FRMPD1: variants seen among roughly 807,000 people sequenced by gnomAD.
FRMPD1 encodes the protein FERM and PDZ domain containing 1, also known as FERM and PDZ domain-containing protein 1.
FRMPD1 carries 76 observed loss-of-function variants against 117.8 expected under a neutral mutation model. The observed-to-expected ratio is 0.65, with a 90% CI of 0.54 to 0.78. The LOEUF is 0.78. Among genes scored for constraint, FRMPD1 ranks in the 30% least tolerant of loss-of-function variants. FRMPD1 has a pLI of 0.00. For synonymous variants in FRMPD1, 783 were observed against 770.4 expected (o/e 1.02, Z -0.27); for missense variants, 1,786 against 1,964.5 (o/e 0.91, Z 1.72).
At chr9:37,644,404 C>T in the FRMPD1 span, among the ~76,000 whole-genome samples, 2 of 152,154 alleles carry the variant, frequency 1.3e-5, no homozygotes, top group Non-Finnish European at 2.9e-5. Context: ...GCAGCAACAC[C>T]GCCCTTTGCC....
chr9:37,615,749 C>G, the FRMPD1 span, among the ~76,000 whole-genome samples: 1 of 152,040 alleles, frequency 6.6e-6, no homozygotes, highest in Non-Finnish European at 1.5e-5. Context: ...GATGAAACCT[C>G]AGTGATAATA....
At chr9:37,727,738 C>T (rs531689091) in intron 7 of FRMPD1, among the ~76,000 whole-genome samples, 2 of 100,640 alleles carry the variant, frequency 2.0e-5, no homozygotes, top group African/African-American at 5.7e-5. Context: ...AGAGAGGGCT[C>T]CGAATCAGGA....
intron 6 of FRMPD1, among the ~76,000 whole-genome samples, chr9:37,723,658 G>A (rs1322936215): frequency 6.6e-6 from 1 of 152,128 alleles, no homozygotes; most frequent in Non-Finnish European, 1.5e-5. Context: ...AGGGGTTCGA[G>A]ACCAGCTGGC....
At chr9:37,612,410 G>A in the FRMPD1 span, among the ~76,000 whole-genome samples, 3 of 151,692 alleles carry the variant, frequency 2.0e-5, no homozygotes, top group African/African-American at 4.8e-5. Flanking sequence ...GTGCAGTGGC[G>A]TGATCTCGGC....
Position 37,673,445 on chromosome 9 carries a change from G to A in FRMPD1, c.-4-19193G>A, listed in dbSNP as rs186730069. On this transcript the variant is annotated intron_variant, in intron 1 of 15. Coordinates refer to ENST00000377765, the MANE Select transcript of FRMPD1 (RefSeq NM_014907.3). ...AGCTGCTTTCATGGGCTGGCGTTGA[G>A]TGTCTGCGGCTTTTCTAGGCTCCTG... 8.5e-5 allele frequency among the ~76,000 whole-genome samples: 13 copies of A among 152,344 alleles called. No homozygotes were observed. In the East Asian group the frequency reaches 1.9e-3, roughly 23 times the overall value.
intron 2 of FRMPD1, among the ~76,000 whole-genome samples, chr9:37,704,944 C>A (rs7019495): frequency 1.3e-5 from 2 of 151,504 alleles, no homozygotes; most frequent in Non-Finnish European, 2.9e-5. Flanking sequence ...TTAAATAAAT[C>A]CTTCTTCCCC....
At chr9:37,622,360 C>G in the FRMPD1 span, among the ~76,000 whole-genome samples, 1 of 152,302 alleles carries the variant, frequency 6.6e-6, no homozygotes, top group African/African-American at 2.4e-5. Context: ...TTAAAATGTT[C>G]GTTACACACA....
At chr9:37,652,973 G>A (rs1308098975) in intron 1 of FRMPD1, among the ~76,000 whole-genome samples, 1 of 152,214 alleles carries the variant, frequency 6.6e-6, no homozygotes, top group African/African-American at 2.4e-5. Context: ...AGGTGGTGAG[G>A]AATAGAAAGG....
chr9:37,669,412 G>A (rs571422088), intron 1 of FRMPD1, among the ~76,000 whole-genome samples: 1 of 152,214 alleles, frequency 6.6e-6, no homozygotes, highest in East Asian at 1.9e-4. Flanking sequence ...CTGCGGGTGG[G>A]GCCCAGCAAC....
At chr9:37,630,521 C>T in the FRMPD1 span, among the ~76,000 whole-genome samples, 1 of 152,144 alleles carries the variant, frequency 6.6e-6, no homozygotes, top group Non-Finnish European at 1.5e-5. Context: ...GCTGGGATTA[C>T]AGGCTTGGGC....
the FRMPD1 span, among the ~76,000 whole-genome samples, chr9:37,637,972 C>CTTTCTTTCTTTCTT: frequency 1.4e-5 from 1 of 70,434 alleles, no homozygotes; most frequent in Non-Finnish European, 2.9e-5. Context: ...TGCTTTCTTT[C>CTTTCTTTCTTTCTT]TTTCTTTCTT....
At position 37,696,062 on chromosome 9, in the gene FRMPD1, T is replaced by G. The variant is rs1588935911; in HGVS notation, c.101+3320T>G. 2.2e-5 allele frequency among the ~76,000 whole-genome samples: 3 copies of G among 135,970 alleles called. No homozygotes were observed. In the East Asian group the frequency reaches 6.9e-4, roughly 31 times the overall value. The allele number at this position is 135,970 out of a possible 152,430, so 89.2% of individuals were successfully genotyped here. ...TCTCCATTGTTTTGCTTTTTTTTTT[T>G]TTTTTTTTTTTTTAATATCTAGAAG... On this transcript the variant is annotated intron_variant, in intron 2 of 15. Coordinates refer to ENST00000377765, the MANE Select transcript of FRMPD1 (RefSeq NM_014907.3).
rs149203807 is a variant in FRMPD1, at chr9:37,740,424, G to A, written c.1896G>A (p.Ser632=). 123 of 1,614,098 alleles carry A rather than the reference G, an allele frequency of 7.6e-5. No homozygotes were observed. In the East Asian group the frequency reaches 1.5e-3, roughly 19 times the overall value. Reference sequence around the variant, plus strand: ...GGTCCACCTTCTTCCACTTTGGCTCGCCAGGCCTCGCAGAGAGCATTGACT... The same window carrying A: ...GGTCCACCTTCTTCCACTTTGGCTCACCAGGCCTCGCAGAGAGCATTGACT... The part of the protein sequence containing the change: ...SSRSTFFHFG[S]PGLAESIDSD... Residue 632 remains serine, a synonymous_variant, in exon 15 of 16, where the codon TCG becomes TCA. Coordinates refer to ENST00000377765, the MANE Select transcript of FRMPD1 (RefSeq NM_014907.3). This position sits in a 1 kb window ranked among gnomAD's most constrained non-coding sequence, Gnocchi z 4.2.
chr9:37,724,024 T>A (rs965471493), intron 6 of FRMPD1, among the ~76,000 whole-genome samples: 15 of 150,884 alleles, frequency 9.9e-5, no homozygotes, highest in Non-Finnish European at 3.0e-5. Flanking sequence ...TAAAAAAAAA[T>A]AAAAGCCAGT....
At chr9:37,664,491 C>G (rs988713845) in intron 1 of FRMPD1, among the ~76,000 whole-genome samples, 1 of 151,926 alleles carries the variant, frequency 6.6e-6, no homozygotes, top group Admixed American at 6.6e-5. Flanking sequence ...CCCCGACAGG[C>G]CCCGGTGTGT....
At chr9:37,629,865 G>A in the FRMPD1 span, among the ~76,000 whole-genome samples, 17 of 152,252 alleles carry the variant, frequency 1.1e-4, no homozygotes, top group Admixed American at 7.8e-4. Context: ...ATAACAAAAC[G>A]CTGTAGACTG....
Position 37,746,206 on chromosome 9 carries a change from C to A in FRMPD1, c.4174C>A (p.Pro1392Thr). Reference sequence around the variant, plus strand: ...CCGAGCCCACAGCTGCACCACCGCACCCCTGTCGAGGAAAAGCCACATCTG... The same window carrying A: ...CCGAGCCCACAGCTGCACCACCGCAACCCTGTCGAGGAAAAGCCACATCTG... ...PARAHSCTTA[P>T]LSRKSHIWPE... Residue 1392 changes from proline (P) to threonine (T), a missense_variant, in exon 16 of 16, where the codon CCC becomes ACC. By Grantham distance (38) the Pro-to-Thr change is conservative. Transcript: ENST00000377765. 6.2e-7 allele frequency: 1 copy of A among 1,613,350 alleles called. No homozygotes were observed. Among genetic ancestry groups the A allele is most frequent in the Non-Finnish European group, 8.5e-7 (1 of 1,179,950 alleles).
chr9:37,701,510 C>CGT (rs58458625), intron 2 of FRMPD1, among the ~76,000 whole-genome samples: 4,183 of 146,860 alleles, frequency 0.028, 114 homozygotes, highest in African/African-American at 0.066. Context: ...TGTGCATGTA[C>CGT]GTGTGTGTGT....
intron 14 of FRMPD1, among the ~76,000 whole-genome samples, chr9:37,739,645 C>T (rs1017451454): frequency 1.3e-5 from 2 of 152,168 alleles, no homozygotes; most frequent in South Asian, 2.1e-4. Context: ...TGACTCAGTA[C>T]ATCAGGGGTA....
Sources: gnomAD v4.1 joint callset for allele counts (sites outside exome capture counted in the v4.1 genomes callset) on GRCh38, gnomAD v4.1.1 for gene constraint, Gnocchi (gnomAD v3.1) non-coding constraint, MANE v1.5 for transcripts, NCBI Gene and HGNC (gene_info 2026-07-23, HGNC 2026-07-21) for gene names.